MGAT4C: variants seen among roughly 807,000 people sequenced by gnomAD.
The protein encoded by MGAT4C is MGAT4 family member C.
Under a neutral mutation model 40.1 loss-of-function variants are expected in MGAT4C, and 19 were observed. The ratio of observed to expected loss-of-function variants is 0.47; its 90% CI spans 0.33 to 0.70. MGAT4C has a LOEUF of 0.70. MGAT4C is among the 30% of genes least tolerant of loss of function. The pLI, the probability that MGAT4C is intolerant of heterozygous loss-of-function variation, is 0.02. For synonymous variants in MGAT4C, 181 were observed against 187.1 expected, an observed-to-expected ratio of 0.97 and a Z score of 0.27; for missense variants, 491 against 563.2, an observed-to-expected ratio of 0.87 and a Z score of 1.30.
rs374883117 is a variant in MGAT4C, at chr12:86,163,173, T to C, written c.-57+93066A>G. 3.3e-5 allele frequency among the ~76,000 whole-genome samples: 5 copies of C among 152,038 alleles called. No individual in the cohort carries two copies. In the South Asian group the frequency reaches 1.0e-3, roughly 32 times the overall value. Reference sequence around the variant, plus strand: ...ACACACTTTTCTCATGATATTGACATTATAGAACAACAATTAGAAATCATC... The same window carrying C: ...ACACACTTTTCTCATGATATTGACACTATAGAACAACAATTAGAAATCATC... On this transcript the variant is annotated intron_variant, in intron 1 of 4. Coordinates refer to ENST00000611864, the MANE Select transcript of MGAT4C (RefSeq NM_001351288.2).
intron 2 of MGAT4C, among the ~76,000 whole-genome samples, chr12:86,043,086 G>T (rs11117169): frequency 0.2 from 30,215 of 151,934 alleles, 3,695 homozygotes; most frequent in Non-Finnish European, 0.28. Flanking sequence ...TCTCACAAGG[G>T]TTCTCTGCAT....
intron 1 of MGAT4C, among the ~76,000 whole-genome samples, chr12:86,741,022 C>G (rs1360872189): frequency 6.6e-6 from 1 of 150,732 alleles, no homozygotes; most frequent in Admixed American, 6.7e-5. Flanking sequence ...ATCTAGTAGT[C>G]CACATTGTCT....
intron 1 of MGAT4C, among the ~76,000 whole-genome samples, chr12:86,119,849 C>G (rs922512492): frequency 1.3e-5 from 2 of 151,602 alleles, no homozygotes; most frequent in African/African-American, 4.8e-5. Context: ...CAGGCATGCC[C>G]CACTGCATCT....
At chr12:86,449,356 A>C (rs1957388003) in intron 2 of MGAT4C, among the ~76,000 whole-genome samples, 1 of 152,260 alleles carries the variant, frequency 6.6e-6, no homozygotes, top group East Asian at 1.9e-4. Context: ...CCAACTCTGC[A>C]ATTTACTAAA....
chr12:86,169,861 T>C (rs924480468), intron 1 of MGAT4C, among the ~76,000 whole-genome samples: 2 of 152,168 alleles, frequency 1.3e-5, no homozygotes, highest in African/African-American at 4.8e-5. Flanking sequence ...TTTAAAAAAG[T>C]TTATGGAATG....
chr12:86,599,752 A>G (rs1008150478), intron 2 of MGAT4C: 1 of 152,194 alleles, frequency 6.6e-6, no homozygotes, highest in Non-Finnish European at 1.5e-5. Flanking sequence ...TTTGTGAAAC[A>G]TTCTTAGAAA....
intron 2 of MGAT4C, among the ~76,000 whole-genome samples, chr12:86,686,700 G>C (rs1305588348): frequency 6.6e-6 from 1 of 152,184 alleles, no homozygotes; most frequent in Non-Finnish European, 1.5e-5. Flanking sequence ...TGATCATGGT[G>C]GATAAGCTTT....
chr12:86,811,438 G>A (rs1216214537), intron 1 of MGAT4C, among the ~76,000 whole-genome samples: 7 of 145,650 alleles, frequency 4.8e-5, no homozygotes, highest in East Asian at 2.0e-4. Flanking sequence ...CACCTCCTAC[G>A]TTAGGTAATT....
chr12:85,996,492 A>G lies in MGAT4C; in HGVS notation c.-6-6940T>C, dbSNP rs191824630. Among the ~76,000 whole-genome samples, 4 of 152,320 alleles carry G rather than the reference A, an allele frequency of 2.6e-5. No homozygotes were observed. The East Asian group carries it at 7.7e-4, about 29-fold the overall frequency. On this transcript the variant is annotated intron_variant, in intron 2 of 4. Coordinates refer to ENST00000611864, the MANE Select transcript of MGAT4C (RefSeq NM_001351288.2). ...AGTGAGATCATAAATGTTGTAAGGC[A>G]TTAAATTTCAGAGTGTTTTCTTCGG... is the stretch of plus-strand genomic sequence containing the variant.
intron 2 of MGAT4C, among the ~76,000 whole-genome samples, chr12:86,663,353 CAAAAA>C (rs58562873): frequency 0.016 from 720 of 44,748 alleles, 2 homozygotes; most frequent in Middle Eastern, 0.042. Flanking sequence ...TCCTCTGTCT[CAAAAA>C]AAAAAAAAAA....
chr12:86,310,455 A>G (rs117621501), intron 4 of MGAT4C, among the ~76,000 whole-genome samples: 2,947 of 152,256 alleles, frequency 0.019, 44 homozygotes, highest in Middle Eastern at 0.041. Context: ...TCCAGTATTG[A>G]TAGTATTTTT....
At chr12:86,395,814 T>C (rs928872976) in intron 3 of MGAT4C, among the ~76,000 whole-genome samples, 1 of 152,196 alleles carries the variant, frequency 6.6e-6, no homozygotes, top group Non-Finnish European at 1.5e-5. Flanking sequence ...AGTGATACAT[T>C]GTATGGATGT....
intron 1 of MGAT4C, among the ~76,000 whole-genome samples, chr12:86,183,255 A>G (rs1197484325): frequency 6.6e-6 from 1 of 152,074 alleles, no homozygotes; most frequent in Non-Finnish European, 1.5e-5. Flanking sequence ...GTATCTTTCA[A>G]TGGACTCAGC....
At chr12:86,122,913 T>C (rs1188793974) in intron 1 of MGAT4C, among the ~76,000 whole-genome samples, 2 of 152,054 alleles carry the variant, frequency 1.3e-5, no homozygotes, top group Non-Finnish European at 2.9e-5. Context: ...TAATTAATTA[T>C]AAAAAGAAAG....
At chr12:86,745,598 T>C (rs993430807) in intron 1 of MGAT4C, among the ~76,000 whole-genome samples, 10 of 151,618 alleles carry the variant, frequency 6.6e-5, no homozygotes, top group Non-Finnish European at 1.5e-4. Context: ...GCCAGAAACA[T>C]TGGCCTAGAA....
At chr12:86,146,647 C>G (rs1358807357) in intron 1 of MGAT4C, among the ~76,000 whole-genome samples, 3 of 151,912 alleles carry the variant, frequency 2.0e-5, no homozygotes, top group African/African-American at 7.2e-5. Context: ...TGAGATTTTC[C>G]TATTTCTTGA....
chr12:86,244,584 C>G (rs1295318411), intron 1 of MGAT4C, among the ~76,000 whole-genome samples: 1 of 152,180 alleles, frequency 6.6e-6, no homozygotes, highest in Non-Finnish European at 1.5e-5. Flanking sequence ...ACTGCTGATA[C>G]AGCAATGGAT....
chr12:86,674,668 C>A (rs1357364829), intron 2 of MGAT4C, among the ~76,000 whole-genome samples: 1 of 151,962 alleles, frequency 6.6e-6, no homozygotes, highest in African/African-American at 2.4e-5. Context: ...TGCACTCTAG[C>A]CTGGGCAACA....
intron 1 of MGAT4C, among the ~76,000 whole-genome samples, chr12:86,076,179 A>C (rs1345594245): frequency 2.0e-5 from 3 of 152,148 alleles, no homozygotes; most frequent in African/African-American, 7.2e-5. Context: ...AAGTTCCACA[A>C]GTCTCTAGGA....
Sources: gnomAD v4.1 joint callset for allele counts (sites outside exome capture counted in the v4.1 genomes callset) on GRCh38, gnomAD v4.1.1 for gene constraint, MANE v1.5 for transcripts, NCBI Gene and HGNC (gene_info 2026-07-23, HGNC 2026-07-21) for gene names.